Variants in RALGAPB observed in about 807,000 individuals in gnomAD.
The protein encoded by RALGAPB is ral GTPase-activating protein subunit beta.
RALGAPB carries 25 observed loss-of-function variants against 161.1 expected under a neutral mutation model. The ratio of observed to expected loss-of-function variants is 0.16; its 90% CI spans 0.11 to 0.22. The LOEUF (loss-of-function observed/expected upper bound fraction) is 0.22. Ranked by LOEUF, RALGAPB falls within the 10% of genes least tolerant of loss-of-function variation. RALGAPB has a pLI of 1.00. For synonymous variants in RALGAPB, 629 were observed against 626.1 expected (o/e 1.00, Z -0.07); for missense variants, 1,391 against 1,815.2 (o/e 0.77, Z 4.25).
At chr20:38,519,911 C>T (rs1291460458) in intron 9 of RALGAPB, among the ~76,000 whole-genome samples, 2 of 152,122 alleles carry the variant, frequency 1.3e-5, no homozygotes, top group Non-Finnish European at 2.9e-5. Context: ...CATGACAGTA[C>T]ACTGTGCTTT....
intron 16 of RALGAPB, among the ~76,000 whole-genome samples, chr20:38,537,107 T>C (rs576066726): frequency 6.6e-5 from 10 of 152,310 alleles, no homozygotes; most frequent in African/African-American, 2.2e-4. Flanking sequence ...GATGATTTAC[T>C]GTAAGGCTAC....
Position 38,516,363 on chromosome 20 carries a change from A to G in RALGAPB, c.1044A>G (p.Ala348=), listed in dbSNP as rs1011863728. The change falls in exon 7 of 30, where the codon GCA becomes GCG. Residue 348 remains alanine (A), a synonymous_variant. Coordinates refer to ENST00000262879, the MANE Select transcript of RALGAPB (RefSeq NM_020336.4). ...AMRGISCLVD[A]FLGISRPRSD... ...GTGGAATCAGCTGTCTGGTGGATGCATTCTTAGGTGAATTTTGTGTATGTT... is the reference window on the plus strand; with the variant it reads ...GTGGAATCAGCTGTCTGGTGGATGCGTTCTTAGGTGAATTTTGTGTATGTT... 2.5e-6 allele frequency: 4 copies of G among 1,612,926 alleles called. No homozygotes were observed. The African/African-American group carries it at 4.0e-5, about 16-fold the overall frequency.
At chr20:38,540,058 C>A in intron 17 of RALGAPB, 100 bp downstream of exon 17, 1 of 1,004,968 alleles carries the variant, frequency 1.0e-6, no homozygotes, top group Non-Finnish European at 1.4e-6. Context: ...CAGTATTGCA[C>A]ACTTTAAACT....
chr20:38,556,167 G>C (rs1336310769), intron 22 of RALGAPB, among the ~76,000 whole-genome samples: 1 of 152,112 alleles, frequency 6.6e-6, no homozygotes, highest in Non-Finnish European at 1.5e-5. Context: ...GCAAACTAGA[G>C]GAATCTTTTG....
chr20:38,548,269 G>A (rs2145423093), intron 19 of RALGAPB, among the ~76,000 whole-genome samples: 1 of 152,220 alleles, frequency 6.6e-6, no homozygotes, highest in African/African-American at 2.4e-5. Context: ...CAAACACCCA[G>A]TCTGTCTTTC....
At chr20:38,488,234 T>C (rs2085175540) in intron 1 of RALGAPB, among the ~76,000 whole-genome samples, 169 bp from the exon 2 acceptor site, 1 of 152,178 alleles carries the variant, frequency 6.6e-6, no homozygotes, top group South Asian at 2.1e-4. Context: ...TCATGACCCA[T>C]AGTTTGAAAA....
chr20:38,535,777 G>A (rs1007972584), intron 16 of RALGAPB, among the ~76,000 whole-genome samples: 1 of 152,114 alleles, frequency 6.6e-6, no homozygotes, highest in Admixed American at 6.5e-5. Flanking sequence ...TAGAGATGGG[G>A]TTTCACCATG....
intron 16 of RALGAPB, among the ~76,000 whole-genome samples, chr20:38,537,093 AT>A (rs1459109853): frequency 3.9e-5 from 6 of 152,222 alleles, no homozygotes; most frequent in African/African-American, 1.4e-4. Context: ...ACACTACCTG[AT>A]TTGATGATTT....
At chr20:38,500,171 A>G (rs2085536796) in intron 5 of RALGAPB, among the ~76,000 whole-genome samples, 1 of 150,906 alleles carries the variant, frequency 6.6e-6, no homozygotes. Flanking sequence ...TTTCATTTCA[A>G]TCGTGATTTT....
intron 22 of RALGAPB, 110 bp from the exon 23 acceptor site, chr20:38,558,185 T>C: frequency 1.1e-6 from 1 of 937,598 alleles, no homozygotes; most frequent in Non-Finnish European, 1.5e-6. Flanking sequence ...TTCCTACCAT[T>C]CTATATTTTT....
At chr20:38,525,867 T>C (rs374112129) in intron 12 of RALGAPB, 28 bp from the exon 13 acceptor site, 27 of 1,607,416 alleles carry the variant, frequency 1.7e-5, no homozygotes, top group Non-Finnish European at 2.2e-5. Flanking sequence ...CAACAGCTGA[T>C]GTTAAATATT....
chr20:38,551,188 A>G lies in RALGAPB; in HGVS notation c.3127A>G (p.Ser1043Gly), dbSNP rs747895974. ...GATTCCTTTTGTGAAAGCAGATCTCAGCATTCCAGATTTGCATGAAATAGT... is the reference window on the plus strand; with the variant it reads ...GATTCCTTTTGTGAAAGCAGATCTCGGCATTCCAGATTTGCATGAAATAGT... ...DKIPFVKADL[S>G]IPDLHEIVTE... The change falls in exon 21 of 30, where the codon AGC (serine) becomes GGC (glycine). Residue 1043 changes from serine to glycine, a missense_variant. This residue lies in a region of RALGAPB where 9 missense variants were observed against 31.0 expected (regional missense o/e 0.29). Transcript: ENST00000262879. 6.2e-7 allele frequency: 1 copy of G among 1,613,946 alleles called. No individual in the cohort carries two copies. Among genetic ancestry groups the G allele is most frequent in the South Asian group, 1.1e-5 (1 of 91,072 alleles).
chr20:38,566,615 A>G (rs1216088504), intron 25 of RALGAPB, among the ~76,000 whole-genome samples: 1 of 152,148 alleles, frequency 6.6e-6, no homozygotes, highest in African/African-American at 2.4e-5. Context: ...CTTATCTCCA[A>G]CCAGATTGCT....
At position 38,535,202 on chromosome 20, in the gene RALGAPB, G is replaced by T. The variant is rs1417972629; in HGVS notation, c.2374G>T (p.Ala792Ser). The T allele has an allele frequency of 1.9e-6, 3 of 1,614,020 alleles. No individual in the cohort carries two copies. Among genetic ancestry groups the T allele is most frequent in the South Asian group, 2.2e-5 (2 of 91,072 alleles). ...LAALELLSGL[A>S]KVKVMVDSGD... ...AGCTCTAGAGCTCCTCTCTGGCCTT[G>T]CAAAGGTGAGGAAGACAGTCCTTTT... Residue 792 changes from alanine (A) to serine (S), a missense_variant, in exon 16 of 30, where the codon GCA (alanine) becomes TCA (serine). Ala to Ser is a moderately conservative substitution (Grantham distance 99). Transcript: ENST00000262879.
Position 38,553,264 on chromosome 20 carries a change from A to G in RALGAPB, c.3163-603A>G, listed in dbSNP as rs140362090. On this transcript the variant is annotated intron_variant, in intron 21 of 29. Coordinates refer to ENST00000262879, the MANE Select transcript of RALGAPB (RefSeq NM_020336.4). ...TTAGAAGGATCGTTACTCACCCGGGAATGGAACTTTAAACAAGGATTGATC... is the reference window on the plus strand; with the variant it reads ...TTAGAAGGATCGTTACTCACCCGGGGATGGAACTTTAAACAAGGATTGATC... Among the ~76,000 whole-genome samples the G allele has an allele frequency of 2.6e-3, 402 of 152,260 alleles. 1 individual carries two copies. Among genetic ancestry groups the G allele is most frequent in the African/African-American group, 9.2e-3 (383 of 41,542 alleles).
chr20:38,532,792 T>C lies in RALGAPB; in HGVS notation c.2178T>C (p.Ser726=). The C allele has an allele frequency of 6.2e-7, 1 of 1,614,060 alleles. No individual in the cohort carries two copies. The highest frequency in any genetic ancestry group is 1.1e-5 in the South Asian group (1 of 91,080). Residue 726 remains serine (S), a synonymous_variant, in exon 15 of 30, where the codon AGT becomes AGC. Transcript: ENST00000262879. ...CCAATAGTGGTATTAGTTCAGCAAGTGGTGGAAGCACGGAGCCCACGACTC... is the reference window on the plus strand; with the variant it reads ...CCAATAGTGGTATTAGTTCAGCAAGCGGTGGAAGCACGGAGCCCACGACTC... ...SRTNSGISSA[S]GGSTEPTTPD... is the part of the protein sequence containing the mutation.
chr20:38,517,994 A>C lies in RALGAPB; in HGVS notation c.1411A>C (p.Met471Leu), dbSNP rs2086183122. The change falls in exon 9 of 30, where the codon ATG (methionine) becomes CTG (leucine). Residue 471 changes from methionine to leucine, a missense_variant. Physicochemically the swap from Met to Leu is conservative, Grantham distance 15. Coordinates refer to ENST00000262879, the MANE Select transcript of RALGAPB (RefSeq NM_020336.4). ...LHNGINRDSS[M>L]TAITTQASME... ...TAATGGGATAAACAGAGACAGCAGC[A>C]TGACTGGTAAATATTACTCAAGAAA... is the stretch of plus-strand genomic sequence containing the variant. 6.2e-7 allele frequency: 1 copy of C among 1,601,568 alleles called. No individual in the cohort carries two copies. Among genetic ancestry groups the C allele is most frequent in the Non-Finnish European group, 8.6e-7 (1 of 1,168,524 alleles).
At position 38,554,029 on chromosome 20, in the gene RALGAPB, C is replaced by T. The variant is rs777600119; in HGVS notation, c.3325C>T (p.Arg1109Cys). ...PPPAQEFQTA[R>C]LFLSHFGFLS... ...TCCTGCCCAGGAATTCCAAACAGCC[C>T]GCCTTTTTCTCTCACACTTTGGATT... Residue 1109 changes from arginine to cysteine, a missense_variant, in exon 22 of 30, where the codon CGC becomes TGC. By Grantham distance (180) the Arg-to-Cys change is radical (BLOSUM62 -3). Coordinates refer to ENST00000262879, the MANE Select transcript of RALGAPB (RefSeq NM_020336.4). 3.7e-6 allele frequency: 6 copies of T among 1,613,776 alleles called. No individual in the cohort carries two copies. Among genetic ancestry groups the T allele is most frequent in the Middle Eastern group, 1.6e-4 (1 of 6,062 alleles).
In RALGAPB at chr20:38,575,229, A is replaced by G. The variant is rs1351748326; in HGVS notation, c.*262A>G. On this transcript the variant is annotated 3_prime_UTR_variant, in exon 30 of 30. Coordinates refer to ENST00000262879, the MANE Select transcript of RALGAPB (RefSeq NM_020336.4). ...CATAAACTTTCTTTTAAAAGTGACA[A>G]TTTTAGTTAAACATAAGCCTTTTGA... The G allele has an allele frequency of 2.7e-6, 1 of 365,486 alleles. No homozygotes were observed. Among genetic ancestry groups the G allele is most frequent in the Non-Finnish European group, 4.9e-6 (1 of 202,192 alleles). The allele number at this position is 365,486 out of a possible 1,614,324, so 22.6% of individuals were successfully genotyped here. A position where few individuals can be genotyped will look rare whatever the true frequency, so the allele number is the denominator to read the frequency against.
Sources: allele counts gnomAD v4.1 joint callset (sites outside exome capture counted in the v4.1 genomes callset), GRCh38; gene constraint gnomAD v4.1.1; regional missense constraint gnomAD v4.1.1; transcripts MANE v1.5; gene names NCBI Gene and HGNC (gene_info 2026-07-23, HGNC 2026-07-21).